NRCAM: variants seen among roughly 807,000 people sequenced by gnomAD.
NRCAM encodes the protein neuronal cell adhesion molecule.
Under a neutral mutation model 156.5 loss-of-function variants are expected in NRCAM, and 83 were observed. The observed-to-expected ratio is 0.53, with a 90% CI of 0.44 to 0.64. The LOEUF (loss-of-function observed/expected upper bound fraction) is 0.64. Ranked by LOEUF, NRCAM falls within the 30% of genes least tolerant of loss-of-function variation. The probability of loss-of-function intolerance (pLI) is 0.00; values close to 1 mark genes in which losing one functional copy is unlikely to be tolerated. For synonymous variants in NRCAM, 538 were observed against 563.9 expected, an observed-to-expected ratio of 0.95 and a Z score of 0.65; for missense variants, 1,417 against 1,597.3, an observed-to-expected ratio of 0.89 and a Z score of 1.92.
intron 17 of NRCAM, among the ~76,000 whole-genome samples, chr7:108,193,055 C>T (rs2073019629): frequency 6.6e-6 from 1 of 152,202 alleles, no homozygotes; most frequent in African/African-American, 2.4e-5. Flanking sequence ...CAGGGTCTCA[C>T]TCTGTCACCC....
chr7:108,292,546 C>G (rs1372669057), intron 3 of NRCAM, among the ~76,000 whole-genome samples: 2 of 152,156 alleles, frequency 1.3e-5, no homozygotes, highest in East Asian at 3.9e-4. Context: ...AATCATCAAA[C>G]CAGTAGAGAC....
chr7:108,423,141 C>T (rs1334717527), intron 1 of NRCAM, among the ~76,000 whole-genome samples: 4 of 151,774 alleles, frequency 2.6e-5, no homozygotes, highest in South Asian at 2.1e-4. Context: ...GTAGAGAGGA[C>T]GGTGATTCTC....
chr7:108,226,530 TAAAAAAA>T, intron 8 of NRCAM, 152 bp from the exon 9 acceptor site: 5 of 393,766 alleles, frequency 1.3e-5, no homozygotes, highest in East Asian at 3.8e-5. Context: ...CAAATAACTG[TAAAAAAA>T]AAAAAAAAAA....
intron 2 of NRCAM, among the ~76,000 whole-genome samples, chr7:108,347,130 C>T (rs1435146934): frequency 3.3e-5 from 5 of 150,172 alleles, no homozygotes; most frequent in African/African-American, 7.4e-5. Flanking sequence ...CACTGCCTCC[C>T]GGGTTCATGC....
intron 25 of NRCAM, chr7:108,178,319 T>A: frequency 1.9e-6 from 1 of 531,234 alleles, no homozygotes; most frequent in Non-Finnish European, 3.4e-6. Context: ...TACATTTATA[T>A]TTAATAAAAC....
At chr7:108,411,029 A>G (rs937835740) in intron 1 of NRCAM, among the ~76,000 whole-genome samples, 2 of 152,170 alleles carry the variant, frequency 1.3e-5, no homozygotes, top group Non-Finnish European at 2.9e-5. Flanking sequence ...TCCTTCTACA[A>G]TGAATTGATT....
chr7:108,393,007 G>A (rs1040416546), intron 2 of NRCAM, among the ~76,000 whole-genome samples: 1 of 152,170 alleles, frequency 6.6e-6, no homozygotes, highest in African/African-American at 2.4e-5. Flanking sequence ...AGGCTACTCG[G>A]AGGTCAGGGA....
At chr7:108,159,602 A>G (rs1230834187) in intron 31 of NRCAM, 61 bp from the exon 32 acceptor site, 6 of 1,292,294 alleles carry the variant, frequency 4.6e-6, no homozygotes, top group Non-Finnish European at 5.6e-6. Context: ...TTCAAAGTCC[A>G]TGAAAGCATT....
intron 3 of NRCAM, among the ~76,000 whole-genome samples, chr7:108,259,336 A>G (rs2096801377): frequency 6.6e-6 from 1 of 152,226 alleles, no homozygotes; most frequent in Non-Finnish European, 1.5e-5. Context: ...ATCAAAGTCA[A>G]GTAACAACAG....
intron 28 of NRCAM, among the ~76,000 whole-genome samples, chr7:108,174,271 T>A (rs1170334347): frequency 6.6e-6 from 1 of 152,212 alleles, no homozygotes; most frequent in African/African-American, 2.4e-5. Context: ...AACTCCAAAA[T>A]CTATCTGATC....
chr7:108,246,278 G>A (rs1216596497), intron 3 of NRCAM, among the ~76,000 whole-genome samples: 1 of 152,078 alleles, frequency 6.6e-6, no homozygotes, highest in Admixed American at 6.6e-5. Flanking sequence ...CTCTGACCAA[G>A]GCAAAAAGAA....
intron 32 of NRCAM, chr7:108,150,678 G>A (rs1270727058): frequency 3.8e-6 from 2 of 529,976 alleles, no homozygotes; most frequent in Non-Finnish European, 7.7e-6. Flanking sequence ...AGGCCAGACT[G>A]TAAACTTCAA....
chr7:108,226,126 T>C, intron 9 of NRCAM, 82 bp downstream of exon 9: 1 of 972,742 alleles, frequency 1.0e-6, no homozygotes, highest in Non-Finnish European at 1.5e-6. Context: ...TACTTCAAAG[T>C]CAGTAGTATA....
upstream of NRCAM, chr7:108,456,595 C>T (rs1453424128): frequency 6.6e-6 from 1 of 152,446 alleles, no homozygotes; most frequent in East Asian, 1.9e-4. Flanking sequence ...GGCCAACCCC[C>T]TCTTGCCCTG....
chr7:108,172,053 T>G (rs748511543), intron 28 of NRCAM, among the ~76,000 whole-genome samples: 1 of 152,208 alleles, frequency 6.6e-6, no homozygotes, highest in African/African-American at 2.4e-5. Flanking sequence ...TGCAGATTCC[T>G]GCTTTGCCAG....
At chr7:108,176,652 A>G (rs958789508) in intron 26 of NRCAM, 46 bp from the exon 27 acceptor site, 2 of 1,379,796 alleles carry the variant, frequency 1.4e-6, no homozygotes, top group Non-Finnish European at 2.0e-6. Context: ...ATTAACTGCT[A>G]TAGGAATACT....
At position 108,167,101 on chromosome 7, in the gene NRCAM, T is replaced by A. The variant is rs140153093; in HGVS notation, c.3314-28A>T. The A allele has an allele frequency of 5.8e-3, 9,182 of 1,587,836 alleles. 43 individuals are homozygous for A. Among genetic ancestry groups the A allele is most frequent in the Middle Eastern group, 0.012 (75 of 6,014 alleles). ...ATGGAAATTTTGCAAAAACAACACA[T>A]TTGAATATTTTAAGGGACCAGAAGT... On this transcript the variant is annotated intron_variant, in intron 29 of 32. Transcript: ENST00000379028.
In NRCAM at chr7:108,197,944, A is replaced by G; in HGVS notation, c.1351+12T>C. 6.5e-7 allele frequency: 1 copy of G among 1,546,384 alleles called. No individual in the cohort carries two copies. On this transcript the variant is annotated intron_variant, in intron 14 of 32. Transcript: ENST00000379028. ...TTTAATTTGCCATGTCTTTAATAAA[A>G]TGAGAGCTTACCCAGCACATTTACA... is the stretch of plus-strand genomic sequence containing the variant.
intron 1 of NRCAM, among the ~76,000 whole-genome samples, chr7:108,408,692 CT>C (rs1490336170): frequency 6.6e-6 from 1 of 152,188 alleles, no homozygotes. Context: ...TAATATGAAA[CT>C]TTGAACATAA....
Sources: allele counts gnomAD v4.1 joint callset (sites outside exome capture counted in the v4.1 genomes callset), GRCh38; gene constraint gnomAD v4.1.1; transcripts MANE v1.5; gene names NCBI Gene and HGNC (gene_info 2026-07-23, HGNC 2026-07-21).